COL28A1: variants seen among roughly 807,000 people sequenced by gnomAD.
The protein encoded by COL28A1 is collagen type XXVIII alpha 1 chain, also known as collagen alpha-1(XXVIII) chain.
Under a neutral mutation model 150.2 loss-of-function variants are expected in COL28A1, and 161 were observed. The observed-to-expected ratio is 1.07, with a 90% CI of 0.94 to 1.22. COL28A1 has a LOEUF of 1.22. Among genes scored for constraint, COL28A1 ranks in the 50% most tolerant of loss-of-function variants. The probability of loss-of-function intolerance (pLI) is 0.00; values close to 1 mark genes in which losing one functional copy is unlikely to be tolerated. For missense variants in COL28A1, 1,617 were observed against 1,388.3 expected, an observed-to-expected ratio of 1.16 and a Z score of -2.62; for synonymous variants, 552 against 469.7, an observed-to-expected ratio of 1.18 and a Z score of -2.26.
intron 23 of COL28A1, 123 bp downstream of exon 23, chr7:7,436,272 A>G (rs1785334901): frequency 1.4e-6 from 1 of 709,226 alleles, no homozygotes; most frequent in Non-Finnish European, 2.5e-6. Context: ...GGGAATAGCT[A>G]TATTCTTACA....
chr7:7,462,745 G>C (rs1286688468), intron 15 of COL28A1, among the ~76,000 whole-genome samples: 1 of 152,044 alleles, frequency 6.6e-6, no homozygotes, highest in Admixed American at 6.6e-5. Context: ...TGTAATCCCA[G>C]CTACTGGGGA....
the COL28A1 span, among the ~76,000 whole-genome samples, chr7:7,347,508 G>A: frequency 0.61 from 93,412 of 151,956 alleles, 32,633 homozygotes; most frequent in East Asian, 0.87. Flanking sequence ...CCTCCTTTTT[G>A]CACCAGCATT....
Position 7,417,453 on chromosome 7 carries a change from C to A in COL28A1, c.2136+406G>T, listed in dbSNP as rs143295450. Among the ~76,000 whole-genome samples the A allele has an allele frequency of 5.1e-3, 688 of 135,390 alleles. 9 individuals are homozygous for A. Among genetic ancestry groups the A allele is most frequent in the East Asian group, 0.032 (135 of 4,274 alleles). 88.8% of individuals were successfully genotyped at this position (135,390 alleles called of 152,430 possible). On this transcript the variant is annotated intron_variant, in intron 27 of 34. Coordinates refer to ENST00000399429, the MANE Select transcript of COL28A1 (RefSeq NM_001037763.3). Reference sequence around the variant, plus strand: ...TCCACTGTGAGCTAAGATTGGGAAGCCCTGGGCTACCATGGAGGATACAGG... The same window carrying A: ...TCCACTGTGAGCTAAGATTGGGAAGACCTGGGCTACCATGGAGGATACAGG...
intron 11 of COL28A1, among the ~76,000 whole-genome samples, chr7:7,504,515 G>A (rs1290984637): frequency 6.6e-6 from 1 of 152,018 alleles, no homozygotes; most frequent in African/African-American, 2.4e-5. Context: ...AAGAGAGAGA[G>A]AAGAAGAAGA....
intron 15 of COL28A1, among the ~76,000 whole-genome samples, chr7:7,473,570 A>T (rs1788611784): frequency 6.6e-6 from 1 of 152,160 alleles, no homozygotes; most frequent in African/African-American, 2.4e-5. Context: ...AACAGGGAAC[A>T]CTTCTGCCTT....
chr7:7,471,125 T>TAAAAAAAAAAAAAAAAAAAAAAAATA (rs746981344), intron 15 of COL28A1, among the ~76,000 whole-genome samples: 2 of 88,522 alleles, frequency 2.3e-5, no homozygotes, highest in Non-Finnish European at 4.7e-5. Flanking sequence ...AAAAAATAAT[T>TAAAAAAAAAAAAAAAAAAAAAAAATA]AAAAAAAAAA....
intron 21 of COL28A1, 64 bp from the exon 22 acceptor site, chr7:7,437,526 AG>A: frequency 6.5e-7 from 1 of 1,538,196 alleles, no homozygotes; most frequent in Non-Finnish European, 8.8e-7. Flanking sequence ...GACAATATTA[AG>A]AAAAGTACAG....
In COL28A1 at chr7:7,507,156, G is replaced by A; in HGVS notation, c.933C>T (p.Ser311=). The part of the protein sequence containing the change: ...GKPGIKGDKG[S]PGPYGPKGPR... Reference sequence around the variant, plus strand: ...GTCCCTTTGGTCCATATGGCCCTGGGGATCCCTGTGGAATAAAATTGAAAA... The same window carrying A: ...GTCCCTTTGGTCCATATGGCCCTGGAGATCCCTGTGGAATAAAATTGAAAA... The change falls in exon 10 of 35, where the codon TCC becomes TCT. Residue 311 remains serine, a synonymous_variant. Coordinates refer to ENST00000399429, the MANE Select transcript of COL28A1 (RefSeq NM_001037763.3). The A allele has an allele frequency of 8.2e-7, 1 of 1,214,872 alleles. No individual in the cohort carries two copies. Among genetic ancestry groups the A allele is most frequent in the Non-Finnish European group, 1.2e-6 (1 of 819,324 alleles). 75.3% of individuals were successfully genotyped at this position (1,214,872 alleles called of 1,614,324 possible).
chr7:7,440,035 C>G (rs1325618422), intron 21 of COL28A1, among the ~76,000 whole-genome samples: 4 of 152,160 alleles, frequency 2.6e-5, no homozygotes. Context: ...GACATGAACT[C>G]TCTTACGTTT....
chr7:7,381,532 T>G lies in COL28A1; in HGVS notation c.2205+12A>C. ...AAGCCTAAGCATTTCTCTAAGATCC[T>G]GAGACACTTACCTTCTGGCCTGGGA... On this transcript the variant is annotated intron_variant, in intron 28 of 34. Transcript: ENST00000399429. 13 of 1,605,946 alleles carry G rather than the reference T, an allele frequency of 8.1e-6. No homozygotes were observed. Among genetic ancestry groups the G allele is most frequent in the Non-Finnish European group, 9.4e-6 (11 of 1,173,018 alleles).
At chr7:7,364,061 C>A (rs972905998) in intron 33 of COL28A1, among the ~76,000 whole-genome samples, 1 of 152,178 alleles carries the variant, frequency 6.6e-6, no homozygotes, top group African/African-American at 2.4e-5. Context: ...CCTTCCACCA[C>A]AGCCTAGGAA....
chr7:7,448,440 T>C (rs1354451559), intron 18 of COL28A1, among the ~76,000 whole-genome samples: 1 of 151,954 alleles, frequency 6.6e-6, no homozygotes, highest in African/African-American at 2.4e-5. Context: ...CACACTATAA[T>C]TCTATAACCA....
chr7:7,343,379 A>T, the COL28A1 span, among the ~76,000 whole-genome samples: 1 of 151,818 alleles, frequency 6.6e-6, no homozygotes, highest in African/African-American at 2.4e-5. Flanking sequence ...ATGTCTCTTA[A>T]CTTTTCCTTT....
chr7:7,409,965 A>G (rs1783691593), intron 27 of COL28A1, among the ~76,000 whole-genome samples: 1 of 152,220 alleles, frequency 6.6e-6, no homozygotes, highest in African/African-American at 2.4e-5. Flanking sequence ...ATTAAAAAGG[A>G]AAATTTAATA....
At chr7:7,462,558 A>G (rs1353522223) in intron 15 of COL28A1, among the ~76,000 whole-genome samples, 1 of 152,182 alleles carries the variant, frequency 6.6e-6, no homozygotes, top group African/African-American at 2.4e-5. Context: ...GGAAACATGG[A>G]CACACTTACA....
intron 33 of COL28A1, among the ~76,000 whole-genome samples, chr7:7,365,637 A>G (rs1221819387): frequency 6.6e-6 from 1 of 152,152 alleles, no homozygotes; most frequent in African/African-American, 2.4e-5. Flanking sequence ...TATTACCCAG[A>G]ATTTTGCATA....
intron 33 of COL28A1, among the ~76,000 whole-genome samples, chr7:7,366,198 G>A (rs978582866): frequency 4.6e-5 from 7 of 152,108 alleles, no homozygotes; most frequent in Non-Finnish European, 8.8e-5. Context: ...GAAAATAGGT[G>A]ATTCCCCTAA....
At chr7:7,416,340 C>T (rs540687063) in intron 27 of COL28A1, among the ~76,000 whole-genome samples, 20 of 152,240 alleles carry the variant, frequency 1.3e-4, no homozygotes, top group African/African-American at 1.7e-4. Flanking sequence ...AAGTTATAGT[C>T]GGTAAGGATT....
intron 25 of COL28A1, among the ~76,000 whole-genome samples, chr7:7,422,610 C>CA (rs1283371653): frequency 7.3e-5 from 11 of 151,342 alleles, no homozygotes; most frequent in Non-Finnish European, 1.2e-4. Flanking sequence ...GCCTGGGTGA[C>CA]AGAGTGAGAC....
Sources: allele counts gnomAD v4.1 joint callset (sites outside exome capture counted in the v4.1 genomes callset), GRCh38; gene constraint gnomAD v4.1.1; transcripts MANE v1.5; gene names NCBI Gene and HGNC (gene_info 2026-07-23, HGNC 2026-07-21).